Variants in MYO1C observed in about 807,000 individuals in gnomAD.
MYO1C encodes the protein myosin IC.
In MYO1C, 104 loss-of-function variants were observed where a neutral mutation model predicts 150.8. The ratio of observed to expected loss-of-function variants is 0.69; its 90% confidence interval spans 0.59 to 0.81. MYO1C has a LOEUF of 0.81. Among genes scored for constraint, MYO1C ranks in the 30% least tolerant of loss-of-function variants. The pLI is 0.00. For missense variants in MYO1C, 1,504 were observed against 1,435.0 expected (o/e 1.05, Z -0.78); for synonymous variants, 663 against 579.9 (o/e 1.14, Z -2.06).
chr17:1,485,974 T>G (rs1450768044), intron 1 of MYO1C: 1 of 155,080 alleles, frequency 6.4e-6, no homozygotes, highest in Non-Finnish European at 1.4e-5. Context: ...TGAGTCAGGT[T>G]TTCCAGGAGG....
In MYO1C at chr17:1,470,159, G is replaced by C; in HGVS notation, c.2526+16C>G. 1 of 1,602,488 alleles carries C rather than the reference G, an allele frequency of 6.2e-7. No individual in the cohort carries two copies. Among genetic ancestry groups the C allele is most frequent in the Non-Finnish European group, 8.5e-7 (1 of 1,174,810 alleles). ...TACTATGATGGTCCCTAACTTGGCA[G>C]GGGGTGCCCACAGACCTCACGCAGG... On this transcript the variant is annotated intron_variant, in intron 24 of 31. Transcript: ENST00000648651.
chr17:1,473,198 T>TCAAAAA (rs532580168), intron 17 of MYO1C, among the ~76,000 whole-genome samples: 6 of 152,042 alleles, frequency 3.9e-5, no homozygotes, highest in East Asian at 1.9e-4. Flanking sequence ...AGACTCCGTC[T>TCAAAAA]CAAAAACAAA....
intron 14 of MYO1C, chr17:1,477,176 T>G: frequency 3.4e-6 from 1 of 291,696 alleles, no homozygotes; most frequent in South Asian, 5.2e-5. Context: ...ATTTATTTTT[T>G]TCCCTTTTTT....
intron 14 of MYO1C, among the ~76,000 whole-genome samples, chr17:1,475,936 C>A (rs1204440779): frequency 6.6e-6 from 1 of 152,030 alleles, no homozygotes; most frequent in Non-Finnish European, 1.5e-5. Flanking sequence ...TTACCCTGAG[C>A]CTTATACACA....
At position 1,478,959 on chromosome 17, in the gene MYO1C, G is replaced by A. The variant is rs2074456376; in HGVS notation, c.1093-224C>T. Among the ~76,000 whole-genome samples, 1 of 152,194 alleles carries A rather than the reference G, an allele frequency of 6.6e-6. No homozygotes were observed. The highest frequency in any genetic ancestry group is 2.4e-5 in the African/African-American group (1 of 41,436). ...AGGAGGCCTCCTTCCCGAGGTGGGA[G>A]TCTGGTTCTAGCCGGACTGTTACTC... On this transcript the variant is annotated intron_variant, in intron 9 of 31. Coordinates refer to ENST00000648651, the MANE Select transcript of MYO1C (RefSeq NM_001080779.2). The surrounding 1 kb of genome is among the most constrained non-coding windows in gnomAD (Gnocchi z 6.3).
intron 19 of MYO1C, 54 bp from the exon 20 acceptor site, chr17:1,471,390 A>G (rs904986384): frequency 2.9e-5 from 44 of 1,500,248 alleles, no homozygotes; most frequent in Non-Finnish European, 4.0e-5. Flanking sequence ...TGCCCTGGGG[A>G]CCCCAATCAG....
At chr17:1,481,280 A>C in intron 5 of MYO1C, 3 of 258,038 alleles carry the variant, frequency 1.2e-5, no homozygotes, top group South Asian at 4.8e-5. Context: ...GTTTCTCCAA[A>C]CCCTACATCC....
intron 17 of MYO1C, among the ~76,000 whole-genome samples, chr17:1,472,953 C>A (rs1302165789): frequency 2.6e-5 from 4 of 152,194 alleles, no homozygotes; most frequent in Non-Finnish European, 5.9e-5. Context: ...GTCATCCCAG[C>A]ACTTTGGGAG....
rs752442499 is a variant in MYO1C, at chr17:1,468,186, G to A, written c.2761-63C>T. The A allele has an allele frequency of 2.8e-4, 457 of 1,611,032 alleles. 2 individuals are homozygous for A. Among genetic ancestry groups the A allele is most frequent in the Middle Eastern group, 1.8e-3 (11 of 6,054 alleles). On this transcript the variant is annotated intron_variant, in intron 27 of 31. Transcript: ENST00000648651. Reference sequence around the variant, plus strand: ...GCTCCCAAGGCTCCGCCCCTGCCCTGACCTGCCTTCAGCTCTCAGGCAGTA... The same window carrying A: ...GCTCCCAAGGCTCCGCCCCTGCCCTAACCTGCCTTCAGCTCTCAGGCAGTA...
Position 1,465,690 on chromosome 17 carries a change from G to A in MYO1C, c.*36C>T. 4.5e-6 allele frequency: 6 copies of A among 1,331,190 alleles called. No individual in the cohort carries two copies. The highest frequency in any genetic ancestry group is 5.8e-6 in the Non-Finnish European group (6 of 1,030,438). 82.5% of individuals were successfully genotyped at this position (1,331,190 alleles called of 1,614,324 possible). ...GGAAGGGGAGGAGGAGAAAAGCAAA[G>A]CATTGGGCGTTGGGAGGGTCCAGTG... On this transcript the variant is annotated 3_prime_UTR_variant, in exon 32 of 32. Coordinates refer to ENST00000648651, the MANE Select transcript of MYO1C (RefSeq NM_001080779.2).
At chr17:1,466,897 G>A (rs560473422) in intron 31 of MYO1C, among the ~76,000 whole-genome samples, 4 of 152,178 alleles carry the variant, frequency 2.6e-5, no homozygotes, top group South Asian at 2.1e-4. Context: ...AAAGTGCTGG[G>A]ATTAAAGGTG....
At chr17:1,485,601 CCGCGCCCGCTTCCTGG>C (rs1183618466) in intron 1 of MYO1C, 6 of 983,888 alleles carry the variant, frequency 6.1e-6, no homozygotes, top group Non-Finnish European at 7.7e-6. Flanking sequence ...AATTCCTGGG[CCGCGCCCGCTTCCTGG>C]CGAGGCCGAG....
chr17:1,477,151 T>C (rs2074416636), intron 14 of MYO1C: 1 of 256,746 alleles, frequency 3.9e-6, no homozygotes, highest in African/African-American at 2.2e-5. Flanking sequence ...CTTTCTCTTT[T>C]TTAAAAAATT....
rs1206577021 is a variant in MYO1C at position 1,468,135 on chromosome 17, G to T, written c.2761-12C>A. The T allele has an allele frequency of 1.9e-6, 3 of 1,613,192 alleles. No homozygotes were observed. Among genetic ancestry groups the T allele is most frequent in the South Asian group, 1.1e-5 (1 of 91,078 alleles). On this transcript the variant is annotated splice_polypyrimidine_tract_variant and intron_variant, in intron 27 of 31. Transcript: ENST00000648651. ...ACAGGCACCGCATACTGGGGACAGA[G>T]GCCAGGCTGAAGGGGCTGGGGAGAG...
rs1272594269 is a variant in MYO1C at position 1,479,623 on chromosome 17, G to A, written c.989C>T (p.Thr330Ile). 3 of 1,613,620 alleles carry A rather than the reference G, an allele frequency of 1.9e-6. No homozygotes were observed. The highest frequency in any genetic ancestry group is 2.5e-6 in the Non-Finnish European group (3 of 1,179,934). Residue 330 changes from threonine (T) to isoleucine (I), a missense_variant, in exon 8 of 32, where the codon ACC (threonine) becomes ATC (isoleucine). Thr to Ile is a moderately conservative substitution (Grantham distance 89). Transcript: ENST00000648651. The surrounding 1 kb of genome is among the most constrained non-coding windows in gnomAD (Gnocchi z 4.2). ...CAGATACTTGAGCTGGTTCTCGGTGGTGACCTGGGCATTGCTCTCCTCGTT... is the reference window on the plus strand; with the variant it reads ...CAGATACTTGAGCTGGTTCTCGGTGATGACCTGGGCATTGCTCTCCTCGTT... The part of the protein sequence containing the change: ...AANEESNAQV[T>I]TENQLKYLTR...
intron 1 of MYO1C, among the ~76,000 whole-genome samples, chr17:1,490,035 C>CAA (rs368349826): frequency 0.12 from 12,630 of 104,216 alleles, 1,086 homozygotes; most frequent in African/African-American, 0.25. Context: ...GACACTGTCT[C>CAA]AAAAAAAAAA....
intron 1 of MYO1C, chr17:1,485,251 T>G: frequency 8.6e-7 from 1 of 1,159,732 alleles, no homozygotes; most frequent in South Asian, 1.7e-5. Flanking sequence ...CTCCAAAAAA[T>G]GGACACCCAG....
chr17:1,480,623 G>A lies in MYO1C; in HGVS notation c.810C>T (p.Gly270=), dbSNP rs777374311. 1 of 1,614,026 alleles carries A rather than the reference G, an allele frequency of 6.2e-7. No homozygotes were observed. The highest frequency in any genetic ancestry group is 8.5e-7 in the Non-Finnish European group (1 of 1,179,988). The change falls in exon 7 of 32, where the codon GGC becomes GGT. Residue 270 remains glycine, a splice_region_variant and synonymous_variant. Coordinates refer to ENST00000648651, the MANE Select transcript of MYO1C (RefSeq NM_001080779.2). ...NPQSYLYLVK[G]QCAKVSSIND... ...TGATGGAGGAGACTTTGGCACACTG[G>A]CCCTGGAGGAAGGGCACAGCTGGGT... is the stretch of plus-strand genomic sequence containing the variant.
rs1198113328 is a variant in MYO1C at position 1,474,974 on chromosome 17, G to T, written c.1633C>A (p.Leu545Met). Residue 545 changes from leucine (L) to methionine (M), a missense_variant, in exon 15 of 32, where the codon CTG becomes ATG. Physicochemically the swap from Leu to Met is conservative, Grantham distance 15. Coordinates refer to ENST00000648651, the MANE Select transcript of MYO1C (RefSeq NM_001080779.2). ...TAGGTCACCTCCCCCGCATAGTGCA[G>T]AAGGCGGAATTCCCCTCGGCCCAGA... ...KSLGRGEFRL[L>M]HYAGEVTYSV... The T allele has an allele frequency of 6.4e-7, 1 of 1,567,956 alleles. No homozygotes were observed. Among genetic ancestry groups the T allele is most frequent in the South Asian group, 1.2e-5 (1 of 86,366 alleles).
Sources: allele counts gnomAD v4.1 joint callset (sites outside exome capture counted in the v4.1 genomes callset), GRCh38; gene constraint gnomAD v4.1.1; non-coding constraint Gnocchi (gnomAD v3.1); transcripts MANE v1.5; gene names NCBI Gene and HGNC (gene_info 2026-07-23, HGNC 2026-07-21).